The following TMEM132D variants were observed in gnomAD, a reference collection of about 807,000 sequenced individuals.
The protein encoded by TMEM132D is mature OL transmembrane protein.
TMEM132D carries 21 observed loss-of-function variants against 62.3 expected under a neutral mutation model. The observed-to-expected ratio is 0.34, with a 90% CI of 0.24 to 0.49. The LOEUF is 0.49. Among genes scored for constraint, TMEM132D ranks in the 20% least tolerant of loss-of-function variants. The probability of loss-of-function intolerance (pLI) is 0.99; values close to 1 mark genes in which losing one functional copy is unlikely to be tolerated. For synonymous variants in TMEM132D, 621 were observed against 575.6 expected, an observed-to-expected ratio of 1.08 and a Z score of -1.13; for missense variants, 1,346 against 1,402.8, an observed-to-expected ratio of 0.96 and a Z score of 0.65.
At chr12:129,567,709 G>A (rs1174054204) in intron 2 of TMEM132D, among the ~76,000 whole-genome samples, 2 of 152,064 alleles carry the variant, frequency 1.3e-5, no homozygotes, top group Admixed American at 6.6e-5. Context: ...CATCATTTAT[G>A]TTACCATTTA....
intron 4 of TMEM132D, among the ~76,000 whole-genome samples, chr12:129,293,879 C>A (rs570252790): frequency 1.3e-5 from 2 of 152,168 alleles, no homozygotes; most frequent in South Asian, 4.1e-4. Context: ...TAACCAGCCA[C>A]GGACCAATAC....
In TMEM132D at chr12:129,783,744, C is replaced by G. The variant is rs542999173; in HGVS notation, c.80-83046G>C. Among the ~76,000 whole-genome samples the G allele has an allele frequency of 2.6e-5, 4 of 152,316 alleles. No individual in the cohort carries two copies. In the East Asian group the frequency reaches 5.8e-4, roughly 22 times the overall value. ...TGGAAAATGAAGACAGTGGATGGCA[C>G]TAGACCAGCGTGTAAGCAGGAGTAA... is the stretch of plus-strand genomic sequence containing the variant. On this transcript the variant is annotated intron_variant, in intron 1 of 8. Coordinates refer to ENST00000422113, the MANE Select transcript of TMEM132D (RefSeq NM_133448.3).
chr12:129,869,152 C>G (rs1472918614), intron 1 of TMEM132D, among the ~76,000 whole-genome samples: 1 of 151,954 alleles, frequency 6.6e-6, no homozygotes, highest in Admixed American at 6.6e-5. Flanking sequence ...TTATGCCCAG[C>G]TGATTCCCAT....
At chr12:129,321,423 A>G (rs1031081129) in intron 4 of TMEM132D, among the ~76,000 whole-genome samples, 7 of 152,086 alleles carry the variant, frequency 4.6e-5, no homozygotes, top group African/African-American at 1.7e-4. Flanking sequence ...AGCCTCACTT[A>G]TTTTCTCTCG....
At chr12:129,740,613 A>T (rs183956996) in intron 1 of TMEM132D, among the ~76,000 whole-genome samples, 326 of 152,368 alleles carry the variant, frequency 2.1e-3, no homozygotes, top group Non-Finnish European at 3.5e-3. Context: ...ATCATTGATG[A>T]CTGAAGAAAA....
chr12:129,611,256 A>G (rs1447629793), intron 2 of TMEM132D, among the ~76,000 whole-genome samples: 1 of 152,250 alleles, frequency 6.6e-6, no homozygotes, highest in Non-Finnish European at 1.5e-5. Context: ...AAACGAAGAC[A>G]TGGAAAGGGG....
rs112552428 is a variant in TMEM132D at position 129,107,324 on chromosome 12, A to G, written c.1444-22622T>C. On this transcript the variant is annotated intron_variant, in intron 5 of 8. Coordinates refer to ENST00000422113, the MANE Select transcript of TMEM132D (RefSeq NM_133448.3). ...ATGGAATTCACAGATAATGTCACGT[A>G]CATACAAGGTAATTTTATTAAGATT... Among the ~76,000 whole-genome samples the G allele has an allele frequency of 9.7e-3, 1,481 of 152,356 alleles. 31 individuals are homozygous for G. Among genetic ancestry groups the G allele is most frequent in the African/African-American group, 0.033 (1,367 of 41,586 alleles).
rs1017748361 is a variant in TMEM132D at position 129,140,918 on chromosome 12, G to C, written c.1444-56216C>G. ...GTTCTTTCCTTCTGATCGCGAGGAA[G>C]CATTCATTTGTAAGCCCGTGTCAGA... On this transcript the variant is annotated intron_variant, in intron 5 of 8. Coordinates refer to ENST00000422113, the MANE Select transcript of TMEM132D (RefSeq NM_133448.3). Among the ~76,000 whole-genome samples, 8 of 152,070 alleles carry C rather than the reference G, an allele frequency of 5.3e-5. No homozygotes were observed. The East Asian group carries it at 9.6e-4, about 18-fold the overall frequency.
chr12:129,684,114 T>C (rs897137621), intron 2 of TMEM132D, among the ~76,000 whole-genome samples: 1 of 152,052 alleles, frequency 6.6e-6, no homozygotes, highest in African/African-American at 2.4e-5. Flanking sequence ...TCCCCCCAAA[T>C]AATTATAATA....
At position 129,708,610 on chromosome 12, in the gene TMEM132D, T is replaced by TAAA. The variant is rs147351316; in HGVS notation, c.80-7915_80-7913dup. Among the ~76,000 whole-genome samples the TAAA allele has an allele frequency of 2.2e-3, 73 of 33,110 alleles. 7 individuals are homozygous for TAAA. Among genetic ancestry groups the TAAA allele is most frequent in the Non-Finnish European group, 2.4e-3 (50 of 20,724 alleles). The allele number at this position is 33,110 out of a possible 152,430, so 21.7% of individuals were successfully genotyped here. A position where few individuals can be genotyped will look rare whatever the true frequency, so the allele number is the denominator to read the frequency against. The stretch of plus-strand genomic sequence containing the variant: ...TGTCCACTCCAAGTAGAGGCTCAGG[T>TAAA]AAAAAAAAAAAAAAAAAAAAACACA... On this transcript the variant is annotated intron_variant, in intron 1 of 8. Coordinates refer to ENST00000422113, the MANE Select transcript of TMEM132D (RefSeq NM_133448.3).
intron 3 of TMEM132D, among the ~76,000 whole-genome samples, chr12:129,396,207 G>A (rs7300403): frequency 0.08 from 12,091 of 151,958 alleles, 1,144 homozygotes; most frequent in African/African-American, 0.24. Context: ...CTTACGTAAA[G>A]GACACACATT....
At position 129,340,901 on chromosome 12, in the gene TMEM132D, G is replaced by T. The variant is rs61196535; in HGVS notation, c.1116-3084C>A. ...ACCTTGAGCTTGTGGGGAAAACGTTGTATGCGCGTGATTTTCTGGAAAGAT... is the reference window on the plus strand; with the variant it reads ...ACCTTGAGCTTGTGGGGAAAACGTTTTATGCGCGTGATTTTCTGGAAAGAT... On this transcript the variant is annotated intron_variant, in intron 3 of 8. Transcript: ENST00000422113. 8.0e-3 allele frequency among the ~76,000 whole-genome samples: 1,211 copies of T among 152,290 alleles called. 17 individuals carry two copies. The highest frequency in any genetic ancestry group is 0.028 in the African/African-American group (1,168 of 41,544).
chr12:129,852,557 A>T (rs1192836862), intron 1 of TMEM132D: 5 of 152,194 alleles, frequency 3.3e-5, no homozygotes, highest in African/African-American at 1.2e-4. Context: ...ATAAAAAAAT[A>T]AAAAATAAAA....
chr12:129,710,406 C>T (rs2137235562), intron 1 of TMEM132D, among the ~76,000 whole-genome samples: 1 of 152,240 alleles, frequency 6.6e-6, no homozygotes, highest in South Asian at 2.1e-4. Context: ...AGTGATTCTC[C>T]TGCCTCAGCC....
chr12:129,142,414 C>A (rs1876771283), intron 5 of TMEM132D, among the ~76,000 whole-genome samples: 1 of 152,128 alleles, frequency 6.6e-6, no homozygotes, highest in East Asian at 1.9e-4. Flanking sequence ...TTTATATGCA[C>A]CCTTGTCATC....
rs1881356747 is a variant in TMEM132D, at chr12:129,700,352, C to T, written c.426G>A (p.Arg142=). 2 of 1,613,890 alleles carry T rather than the reference C, an allele frequency of 1.2e-6. No homozygotes were observed. The highest frequency in any genetic ancestry group is 2.7e-5 in the African/African-American group (2 of 74,932). ...TGTGGAACAGAACCTGCACTTTGGG[C>T]CGGCTCAGGTAGACTTTGTCCCGCA... ...HILRDKVYLS[R]PKVQVLFHIM... is the part of the protein sequence containing the mutation. The change falls in exon 2 of 9, where the codon CGG becomes CGA. Residue 142 remains arginine, a synonymous_variant. Transcript: ENST00000422113.
intron 2 of TMEM132D, among the ~76,000 whole-genome samples, chr12:129,685,025 G>T (rs1442836958): frequency 6.6e-6 from 1 of 152,182 alleles, no homozygotes; most frequent in Non-Finnish European, 1.5e-5. Flanking sequence ...TATTCATGAA[G>T]ATATGGTCTT....
At chr12:129,427,744 AC>A (rs1031226267) in intron 3 of TMEM132D, among the ~76,000 whole-genome samples, 1 of 152,060 alleles carries the variant, frequency 6.6e-6, no homozygotes, top group Non-Finnish European at 1.5e-5. Context: ...TTAAAAAAAA[AC>A]AAAACCAAAA....
intron 3 of TMEM132D, among the ~76,000 whole-genome samples, chr12:129,414,179 C>T (rs1219425615): frequency 2.6e-5 from 4 of 152,168 alleles, no homozygotes; most frequent in African/African-American, 9.7e-5. Flanking sequence ...CTTCTTAGCA[C>T]TTATTGGCAA....
Sources: allele counts gnomAD v4.1 joint callset (sites outside exome capture counted in the v4.1 genomes callset), GRCh38; gene constraint gnomAD v4.1.1; transcripts MANE v1.5; gene names NCBI Gene and HGNC (gene_info 2026-07-23, HGNC 2026-07-21).